Variants in RAPH1 observed in about 807,000 individuals in gnomAD.
RAPH1 encodes ras-associated and pleckstrin homology domains-containing protein 1.
Under a neutral mutation model 88.1 loss-of-function variants are expected in RAPH1, and 18 were observed. The ratio of observed to expected loss-of-function variants is 0.20; its 90% confidence interval spans 0.14 to 0.30. RAPH1 has a LOEUF of 0.30. Among genes scored for constraint, RAPH1 ranks in the 10% least tolerant of loss-of-function variants. The pLI is 1.00. For synonymous variants in RAPH1, 587 were observed against 559.0 expected, an observed-to-expected ratio of 1.05 and a Z score of -0.71; for missense variants, 1,448 against 1,543.2, an observed-to-expected ratio of 0.94 and a Z score of 1.03.
chr2:203,438,715 G>C lies in RAPH1; in HGVS notation c.*722C>G, dbSNP rs2098500482. 6.4e-6 allele frequency: 1 copy of C among 155,808 alleles called. No homozygotes were observed. The highest frequency in any genetic ancestry group is 2.4e-5 in the African/African-American group (1 of 41,480). 9.7% of individuals were successfully genotyped at this position (155,808 alleles called of 1,614,324 possible). ...GTGGGTGGATCACTGCAGCAGTACTGCAGCTAGAACAGCTGAGTTAATTAC... is the reference window on the plus strand; with the variant it reads ...GTGGGTGGATCACTGCAGCAGTACTCCAGCTAGAACAGCTGAGTTAATTAC... On this transcript the variant is annotated 3_prime_UTR_variant, in exon 14 of 14. Transcript: ENST00000319170.
intron 7 of RAPH1, among the ~76,000 whole-genome samples, chr2:203,458,796 A>AC (rs375760584): frequency 3.3e-5 from 5 of 150,970 alleles, no homozygotes; most frequent in African/African-American, 1.2e-4. Context: ...ACGGAGTCTC[A>AC]CTGTCACCCA....
At chr2:203,463,275 CATCAT>C (rs2098525651) in intron 4 of RAPH1, among the ~76,000 whole-genome samples, 2 of 152,036 alleles carry the variant, frequency 1.3e-5, no homozygotes, top group East Asian at 1.9e-4. Flanking sequence ...AAAAAATCCT[CATCAT>C]ATCAGCCAAA....
At chr2:203,488,344 C>A (rs1222570784) in intron 4 of RAPH1, among the ~76,000 whole-genome samples, 2 of 149,654 alleles carry the variant, frequency 1.3e-5, no homozygotes, top group Non-Finnish European at 3.0e-5. Flanking sequence ...CACCTGTAAC[C>A]CCAGCACTTT....
intron 12 of RAPH1, 74 bp from the exon 13 acceptor site, chr2:203,445,084 T>G: frequency 7.2e-7 from 1 of 1,381,074 alleles, no homozygotes; most frequent in Admixed American, 1.9e-5. Context: ...TATGTCTAGT[T>G]AGATCTTTTA....
chr2:203,444,797 T>TAA (rs2098507973), intron 13 of RAPH1, 71 bp downstream of exon 13: 1 of 1,416,368 alleles, frequency 7.1e-7, no homozygotes, highest in Non-Finnish European at 9.9e-7. Flanking sequence ...GATAAAGACA[T>TAA]AAGAGAGCAA....
chr2:203,514,841 A>AC, intron 1 of RAPH1, among the ~76,000 whole-genome samples: 1 of 152,308 alleles, frequency 6.6e-6, no homozygotes, highest in Admixed American at 6.5e-5. Context: ...GGCATGAGCC[A>AC]CCGCACCTGG....
Position 203,434,091 on chromosome 2 carries a change from A to G in RAPH1, c.*5346T>C, listed in dbSNP as rs1458843625. ...ATATATATATATATAGCTTTGCACAATCAGGGAGCAAGGCACATAATGAAA... is the reference window on the plus strand; with the variant it reads ...ATATATATATATATAGCTTTGCACAGTCAGGGAGCAAGGCACATAATGAAA... On this transcript the variant is annotated 3_prime_UTR_variant, in exon 14 of 14. Coordinates refer to ENST00000319170, the MANE Select transcript of RAPH1 (RefSeq NM_213589.3). 6.7e-6 allele frequency: 1 copy of G among 149,416 alleles called. No homozygotes were observed. The highest frequency in any genetic ancestry group is 1.5e-5 in the Non-Finnish European group (1 of 67,676). The allele number at this position is 149,416 out of a possible 1,614,324, so 9.3% of individuals were successfully genotyped here.
At chr2:203,477,023 A>G (rs936364994) in intron 4 of RAPH1, 22 of 1,268,974 alleles carry the variant, frequency 1.7e-5, no homozygotes, top group Non-Finnish European at 2.5e-5. Flanking sequence ...TGGAGGTCTA[A>G]TGAATGCATT....
At chr2:203,488,697 G>A (rs1688106043) in intron 4 of RAPH1, among the ~76,000 whole-genome samples, 1 of 146,626 alleles carries the variant, frequency 6.8e-6, no homozygotes, top group Non-Finnish European at 1.5e-5. Context: ...CATTTTACTT[G>A]TGAGAAATTG....
At chr2:203,521,881 G>C (rs1255380367) in intron 1 of RAPH1, among the ~76,000 whole-genome samples, 1 of 152,082 alleles carries the variant, frequency 6.6e-6, no homozygotes, top group East Asian at 1.9e-4. Flanking sequence ...GTCATTTCTG[G>C]ATAGTAGGAT....
intron 3 of RAPH1, 67 bp from the exon 4 acceptor site, chr2:203,490,156 A>G: frequency 7.2e-7 from 1 of 1,391,240 alleles, no homozygotes; most frequent in Non-Finnish European, 9.7e-7. Context: ...TAATAAATGC[A>G]GGTGATGAAG....
At chr2:203,477,351 C>A (rs1443533345) in intron 4 of RAPH1, among the ~76,000 whole-genome samples, 1 of 152,174 alleles carries the variant, frequency 6.6e-6, no homozygotes, top group African/African-American at 2.4e-5. Context: ...CCCAGATGAT[C>A]CTAACCCTTG....
chr2:203,482,987 T>G (rs1687797932), intron 4 of RAPH1, among the ~76,000 whole-genome samples: 1 of 151,756 alleles, frequency 6.6e-6, no homozygotes, highest in Non-Finnish European at 1.5e-5. Flanking sequence ...CTGGGCAGGG[T>G]TGAATAAGTG....
In RAPH1 at chr2:203,448,980, G is replaced by A. The variant is rs1458680435; in HGVS notation, c.1414-144C>T. ...TTTATGCTTCTTATATGGCCATAAGGCCAAATAAAGTAGCCCATAAGAATT... is the reference window on the plus strand; with the variant it reads ...TTTATGCTTCTTATATGGCCATAAGACCAAATAAAGTAGCCCATAAGAATT... On this transcript the variant is annotated intron_variant, in intron 10 of 13. Coordinates refer to ENST00000319170, the MANE Select transcript of RAPH1 (RefSeq NM_213589.3). The surrounding 1 kb of genome is among the most constrained non-coding windows in gnomAD (Gnocchi z 4.1). The A allele has an allele frequency of 2.4e-6, 1 of 423,506 alleles. No homozygotes were observed. The highest frequency in any genetic ancestry group is 2.0e-5 in the African/African-American group (1 of 48,904). The allele number at this position is 423,506 out of a possible 1,614,324, so 26.2% of individuals were successfully genotyped here.
intron 1 of RAPH1, among the ~76,000 whole-genome samples, chr2:203,506,802 A>G (rs28818574): frequency 6.7e-5 from 8 of 118,534 alleles, no homozygotes; most frequent in Middle Eastern, 4.0e-3. Flanking sequence ...ATCTATATAT[A>G]TATCTATATC....
rs933153245 is a variant in RAPH1 at position 203,495,406 on chromosome 2, A to G, written c.1-53T>C. On this transcript the variant is annotated intron_variant, in intron 1 of 13. Transcript: ENST00000319170. ...AATAGTAAGTTACAGGTTTAACTTG[A>G]AAAATTATGCCATATATGCTCTGAT... is the stretch of plus-strand genomic sequence containing the variant. 3.7e-5 allele frequency: 59 copies of G among 1,587,258 alleles called. 1 individual carries two copies. In the South Asian group the frequency reaches 6.4e-4, roughly 17 times the overall value.
At chr2:203,498,733 G>A (rs1168200515) in intron 1 of RAPH1, among the ~76,000 whole-genome samples, 16 of 151,974 alleles carry the variant, frequency 1.1e-4, no homozygotes, top group Non-Finnish European at 5.9e-5. Context: ...GCCATACTGG[G>A]AAAAATAAAA....
At chr2:203,509,338 G>A (rs549606331) in intron 1 of RAPH1, among the ~76,000 whole-genome samples, 26 of 152,132 alleles carry the variant, frequency 1.7e-4, no homozygotes, top group African/African-American at 6.3e-4. Context: ...CTGGATTACA[G>A]GCGTGAGCCA....
intron 1 of RAPH1, among the ~76,000 whole-genome samples, chr2:203,525,171 C>G (rs1308461331): frequency 6.6e-6 from 1 of 152,144 alleles, no homozygotes; most frequent in Non-Finnish European, 1.5e-5. Context: ...GATAAGAAAT[C>G]TGGTATATTA....
Sources: allele counts gnomAD v4.1 joint callset (sites outside exome capture counted in the v4.1 genomes callset), GRCh38; gene constraint gnomAD v4.1.1; non-coding constraint Gnocchi (gnomAD v3.1); transcripts MANE v1.5; gene names NCBI Gene and HGNC (gene_info 2026-07-23, HGNC 2026-07-21).